Variants in NUP210 observed in about 807,000 individuals in gnomAD.
NUP210 encodes nucleoporin 210.
NUP210 carries 151 observed loss-of-function variants against 196.0 expected under a neutral mutation model. The observed-to-expected ratio is 0.77, with a 90% confidence interval of 0.67 to 0.88. The LOEUF (loss-of-function observed/expected upper bound fraction) is 0.88. Ranked by LOEUF, NUP210 falls within the 40% of genes least tolerant of loss-of-function variation. NUP210 has a pLI of 0.00. For synonymous variants in NUP210, 1,070 were observed against 1,052.7 expected (o/e 1.02, Z -0.32); for missense variants, 2,314 against 2,493.7 (o/e 0.93, Z 1.53).
intron 1 of NUP210, among the ~76,000 whole-genome samples, chr3:13,404,554 C>T (rs1007827614): frequency 6.6e-6 from 1 of 152,206 alleles, no homozygotes; most frequent in African/African-American, 2.4e-5. Context: ...AGAACTACTG[C>T]TATGTCCTCA....
chr3:13,318,636 G>C (rs79428035), intron 39 of NUP210, among the ~76,000 whole-genome samples: 1 of 152,194 alleles, frequency 6.6e-6, no homozygotes, highest in Non-Finnish European at 1.5e-5. Context: ...GGTCACCAGG[G>C]CTTCGGGGTC....
At chr3:13,363,444 A>G (rs529857278) in intron 14 of NUP210, among the ~76,000 whole-genome samples, 1 of 152,356 alleles carries the variant, frequency 6.6e-6, no homozygotes, top group South Asian at 2.1e-4. Context: ...GTGTTCTACA[A>G]TTAACAACTG....
chr3:13,420,024 C>A lies in NUP210; in HGVS notation c.167+36G>T. 8.6e-7 allele frequency: 1 copy of A among 1,165,738 alleles called. No homozygotes were observed. 72.2% of individuals were successfully genotyped at this position (1,165,738 alleles called of 1,614,324 possible). Reference sequence around the variant, plus strand: ...CTCTCAGCGCGAAGGCCCAGCCCGGCCCACGGCGCCCGCCCGGCCCGGCCG... The same window carrying A: ...CTCTCAGCGCGAAGGCCCAGCCCGGACCACGGCGCCCGCCCGGCCCGGCCG... On this transcript the variant is annotated intron_variant, in intron 1 of 39. Transcript: ENST00000254508. This position sits in a 1 kb window ranked among gnomAD's most constrained non-coding sequence, Gnocchi z 4.8.
chr3:13,362,178 A>G (rs573204137), intron 14 of NUP210, among the ~76,000 whole-genome samples: 1 of 152,064 alleles, frequency 6.6e-6, no homozygotes, highest in Non-Finnish European at 1.5e-5. Context: ...AGGAAGGAAA[A>G]ACCTTATAAG....
chr3:13,360,513 G>A, intron 14 of NUP210, 22 bp from the exon 15 acceptor site: 1 of 1,581,014 alleles, frequency 6.3e-7, no homozygotes, highest in Non-Finnish European at 8.6e-7. Context: ...AGAGGCAGAA[G>A]ACTTGGCATT....
chr3:13,348,337 A>T lies in NUP210; in HGVS notation c.2835+3542T>A, dbSNP rs1397051092. On this transcript the variant is annotated intron_variant, in intron 20 of 39. Transcript: ENST00000254508. This position sits in a 1 kb window ranked among gnomAD's most constrained non-coding sequence, Gnocchi z 4.0. ...CCTAGTCCATCACCGACCTCTAGGA[A>T]CTCTTGTTCTTGGAGTAAAGGTCTC... 1.0e-6 allele frequency: 1 copy of T among 979,284 alleles called. No individual in the cohort carries two copies. The highest frequency in any genetic ancestry group is 1.8e-5 in the African/African-American group (1 of 57,068). The allele number at this position is 979,284 out of a possible 1,614,324, so 60.7% of individuals were successfully genotyped here. A position where few individuals can be genotyped will look rare whatever the true frequency, so the allele number is the denominator to read the frequency against.
At chr3:13,400,809 G>A (rs893036263) in intron 1 of NUP210, among the ~76,000 whole-genome samples, 3 of 152,162 alleles carry the variant, frequency 2.0e-5, no homozygotes, top group African/African-American at 4.8e-5. Context: ...CGTGCCTGGC[G>A]CTTGTCTCTC....
intron 1 of NUP210, among the ~76,000 whole-genome samples, chr3:13,407,423 G>C (rs1700037028): frequency 6.6e-6 from 1 of 152,020 alleles, no homozygotes; most frequent in Admixed American, 6.6e-5. Flanking sequence ...CCTCCTCACA[G>C]GCCTCCCAAT....
chr3:13,373,690 AG>A, intron 12 of NUP210, 27 bp downstream of exon 12: 1 of 1,612,392 alleles, frequency 6.2e-7, no homozygotes, highest in Non-Finnish European at 8.5e-7. Context: ...CGAGCCTCCC[AG>A]GGGGTGTCTT....
chr3:13,373,644 A>C, intron 12 of NUP210, 74 bp downstream of exon 12: 1 of 1,508,844 alleles, frequency 6.6e-7, no homozygotes, highest in Non-Finnish European at 9.2e-7. Context: ...AGTGAAGTCG[A>C]GGCTTGCTCA....
intron 14 of NUP210, among the ~76,000 whole-genome samples, chr3:13,362,546 G>A (rs933205094): frequency 2.0e-5 from 3 of 152,322 alleles, no homozygotes; most frequent in Middle Eastern, 3.4e-3. Context: ...TCGTTAAGGC[G>A]ACCTGAACAG....
chr3:13,334,777 A>C (rs2124849454), intron 28 of NUP210, among the ~76,000 whole-genome samples: 1 of 152,318 alleles, frequency 6.6e-6, no homozygotes, highest in South Asian at 2.1e-4. Context: ...CCATCCTATA[A>C]GTAGCAGGGA....
chr3:13,386,461 T>C, intron 5 of NUP210, 54 bp from the exon 6 acceptor site: 1 of 1,603,468 alleles, frequency 6.2e-7, no homozygotes. Context: ...AATGGGGAAG[T>C]GGTGGTGTGA....
At chr3:13,378,845 C>A in intron 8 of NUP210, 67 bp downstream of exon 8, 1 of 1,199,358 alleles carries the variant, frequency 8.3e-7, no homozygotes, top group Non-Finnish European at 1.2e-6. Context: ...TGCTTCTTTT[C>A]TATTTTTTAA....
At position 13,340,346 on chromosome 3, in the gene NUP210, G is replaced by A. The variant is rs1391563439; in HGVS notation, c.3229-48C>T. ...AAGGACTACTGTGCCCCAAGCCCAT[G>A]GCGCCAAGCATAACTCACACACTAC... On this transcript the variant is annotated intron_variant, in intron 23 of 39. Coordinates refer to ENST00000254508, the MANE Select transcript of NUP210 (RefSeq NM_024923.4). This position sits in a 1 kb window ranked among gnomAD's most constrained non-coding sequence, Gnocchi z 4.0. 6.5e-7 allele frequency: 1 copy of A among 1,541,706 alleles called. No individual in the cohort carries two copies. The highest frequency in any genetic ancestry group is 1.4e-5 in the African/African-American group (1 of 73,632).
intron 1 of NUP210, among the ~76,000 whole-genome samples, chr3:13,404,332 G>A (rs769796336): frequency 2.0e-4 from 30 of 152,216 alleles, no homozygotes; most frequent in Non-Finnish European, 3.8e-4. Context: ...AGAGAAGGTG[G>A]AAGTGGAAAT....
intron 6 of NUP210, among the ~76,000 whole-genome samples, chr3:13,380,178 A>G (rs2124922630): frequency 6.6e-6 from 1 of 152,302 alleles, no homozygotes; most frequent in African/African-American, 2.4e-5. Flanking sequence ...CATCCTCACC[A>G]GCTTCAGTGT....
chr3:13,317,429 G>C lies in NUP210; in HGVS notation c.*252C>G, dbSNP rs923607841. The C allele has an allele frequency of 1.2e-5, 6 of 517,672 alleles. No homozygotes were observed. In the East Asian group the frequency reaches 1.7e-4, roughly 15 times the overall value. The allele number at this position is 517,672 out of a possible 1,614,324, so 32.1% of individuals were successfully genotyped here. On this transcript the variant is annotated 3_prime_UTR_variant, in exon 40 of 40. Transcript: ENST00000254508. ...GAAACCCTAGACAACCATGCAAAAA[G>C]GAATGAGCCAAAAAGTCTTAGCTTT...
chr3:13,376,448 G>A lies in NUP210; in HGVS notation c.1153-17C>T. On this transcript the variant is annotated splice_polypyrimidine_tract_variant and intron_variant, in intron 9 of 39. Coordinates refer to ENST00000254508, the MANE Select transcript of NUP210 (RefSeq NM_024923.4). ...TCGGATGTTCTGGAAGGTGAGGCAG[G>A]ACAGGAGAGAGGTGCTTCTGGGGTG... 6.2e-7 allele frequency: 1 copy of A among 1,614,104 alleles called. No homozygotes were observed. Among genetic ancestry groups the A allele is most frequent in the Admixed American group, 1.7e-5 (1 of 60,024 alleles).
Sources: gnomAD v4.1 joint callset for allele counts (sites outside exome capture counted in the v4.1 genomes callset) on GRCh38, gnomAD v4.1.1 for gene constraint, Gnocchi (gnomAD v3.1) non-coding constraint, MANE v1.5 for transcripts, NCBI Gene and HGNC (gene_info 2026-07-23, HGNC 2026-07-21) for gene names.